PCDHA2: variants seen among roughly 807,000 people sequenced by gnomAD.
PCDHA2 encodes the protein protocadherin alpha-2.
In PCDHA2, 58 loss-of-function variants were observed where a neutral mutation model predicts 66.0. The observed-to-expected ratio is 0.88, with a 90% CI of 0.71 to 1.09. PCDHA2 has a LOEUF of 1.09. Among genes scored for constraint, PCDHA2 ranks in the 50% least tolerant of loss-of-function variants. The pLI is 0.00. For missense variants in PCDHA2, 1,267 were observed against 1,242.3 expected (o/e 1.02, Z -0.30); for synonymous variants, 634 against 554.0 (o/e 1.14, Z -2.03).
In PCDHA2 at chr5:140,975,255, C is replaced by A. The variant is rs530385456; in HGVS notation, c.2389-3694C>A. On this transcript the variant is annotated intron_variant, in intron 1 of 3. Transcript: ENST00000526136. ...ATGGAATCCCTCTTATGCTTCAGAT[C>A]TCTCTGATTTCTGTCTCTGACCTCT... Among the ~76,000 whole-genome samples, 6 of 152,334 alleles carry A rather than the reference C, an allele frequency of 3.9e-5. No individual in the cohort carries two copies. In the South Asian group the frequency reaches 1.2e-3, roughly 32 times the overall value.
chr5:140,803,360 G>A (rs1554122754), intron 1 of PCDHA2: 1 of 1,614,186 alleles, frequency 6.2e-7, no homozygotes, highest in Non-Finnish European at 8.5e-7. Flanking sequence ...ATACTGCTCT[G>A]CGGTGCTCCG....
In PCDHA2 at chr5:140,796,987, G is replaced by A; in HGVS notation, c.2023G>A (p.Ala675Thr). The A allele has an allele frequency of 1.9e-6, 3 of 1,613,764 alleles. No homozygotes were observed. Among genetic ancestry groups the A allele is most frequent in the South Asian group, 1.1e-5 (1 of 91,084 alleles). ...VLVSLVESGQ[A>T]PKASSRAWVG... ...AGTGTCGTTGGTGGAAAGTGGCCAGGCACCCAAGGCCTCGTCGCGGGCGTG... is the reference window on the plus strand; with the variant it reads ...AGTGTCGTTGGTGGAAAGTGGCCAGACACCCAAGGCCTCGTCGCGGGCGTG... The change falls in exon 1 of 4, where the codon GCA becomes ACA. Residue 675 changes from alanine (A) to threonine (T), a missense_variant. By Grantham distance (58) the Ala-to-Thr change is moderately conservative. Coordinates refer to ENST00000526136, the MANE Select transcript of PCDHA2 (RefSeq NM_018905.3).
rs1414932633 is a variant in PCDHA2, at chr5:140,809,074, C to A, written c.2388+11722C>A. Reference sequence around the variant, plus strand: ...CGTTCCGCGTGGGGCTGTACACTGGCGAGATCAGCACAACGCGTGCCCTGG... The same window carrying A: ...CGTTCCGCGTGGGGCTGTACACTGGAGAGATCAGCACAACGCGTGCCCTGG... On this transcript the variant is annotated intron_variant, in intron 1 of 3. Transcript: ENST00000526136. 9 of 1,613,792 alleles carry A rather than the reference C, an allele frequency of 5.6e-6. No homozygotes were observed. The African/African-American group carries it at 1.2e-4, about 22-fold the overall frequency.
At chr5:140,959,871 T>C (rs572861997) in intron 1 of PCDHA2, among the ~76,000 whole-genome samples, 1 of 152,322 alleles carries the variant, frequency 6.6e-6, no homozygotes, top group Admixed American at 6.5e-5. Flanking sequence ...GCAAAATCTG[T>C]CAAGGAATAC....
intron 1 of PCDHA2, chr5:140,867,381 A>C (rs2049925984): frequency 6.6e-6 from 1 of 152,184 alleles, no homozygotes; most frequent in African/African-American, 2.4e-5. Context: ...AATGGAATTA[A>C]CGGTTATAAA....
intron 1 of PCDHA2, chr5:140,878,024 G>A (rs2057444305): frequency 7.9e-6 from 6 of 757,742 alleles, no homozygotes; most frequent in South Asian, 2.8e-5. Context: ...AAGGAAATAT[G>A]TAGGTACAAT....
chr5:140,975,964 T>C (rs1554237162), intron 1 of PCDHA2, among the ~76,000 whole-genome samples: 2 of 152,218 alleles, frequency 1.3e-5, no homozygotes, highest in South Asian at 2.1e-4. Flanking sequence ...TCTTCACCAA[T>C]AGAAAGTAAG....
rs2150249126 is a variant in PCDHA2, at chr5:140,835,958, C to G, written c.2388+38606C>G. 96 of 1,612,940 alleles carry G rather than the reference C, an allele frequency of 6.0e-5. 1 individual carries two copies. The highest frequency in any genetic ancestry group is 7.7e-5 in the Non-Finnish European group (91 of 1,179,702). On this transcript the variant is annotated intron_variant, in intron 1 of 3. Transcript: ENST00000526136. ...TGTACGCGCTGCAGCCGTTGGACCA[C>G]GAGGAGCTGGAGCTGTTGCAGTTCC...
chr5:140,927,339 A>G lies in PCDHA2; in HGVS notation c.2389-51610A>G, dbSNP rs532353795. 3.7e-6 allele frequency: 6 copies of G among 1,614,052 alleles called. No individual in the cohort carries two copies. The South Asian group carries it at 4.4e-5, about 12-fold the overall frequency. The stretch of plus-strand genomic sequence containing the variant: ...CCCGCTTTACTCTCCCGAATGCCCA[A>G]GATGACGACGAGGGAAGCAATGGGA... On this transcript the variant is annotated intron_variant, in intron 1 of 3. Transcript: ENST00000526136.
rs372335650 is a variant in PCDHA2 at position 140,796,474 on chromosome 5, T to C, written c.1510T>C (p.Leu504=). The C allele has an allele frequency of 1.9e-3, 2,997 of 1,612,044 alleles. 69 individuals are homozygous for C. The South Asian group carries it at 0.031, about 17-fold the overall frequency. ...LVERRVGERA[L]SSYVSVHAES... ...GGAGCGGCGGGTGGGCGAGCGCGCG[T>C]TGTCGAGCTACGTTTCGGTGCACGC... Residue 504 remains leucine (L), a synonymous_variant, in exon 1 of 4, where the codon TTG becomes CTG. Transcript: ENST00000526136.
chr5:140,928,719 T>C (rs1554206226), intron 1 of PCDHA2: 31 of 1,614,044 alleles, frequency 1.9e-5, no homozygotes, highest in Non-Finnish European at 2.5e-5. Flanking sequence ...CTAGTCTCTT[T>C]AGAATTTCAG....
At chr5:140,927,220 A>T (rs1554204179) in intron 1 of PCDHA2, 1 of 1,614,090 alleles carries the variant, frequency 6.2e-7, no homozygotes, top group Admixed American at 1.7e-5. Flanking sequence ...GCTGCACAAG[A>T]TTCGGATTCA....
intron 1 of PCDHA2, chr5:140,883,895 C>T: frequency 6.2e-7 from 1 of 1,613,426 alleles, no homozygotes; most frequent in Non-Finnish European, 8.5e-7. Flanking sequence ...CTCTGGCGTG[C>T]CGCCTCTGGG....
Position 140,796,517 on chromosome 5 carries a change from A to T in PCDHA2, c.1553A>T (p.Tyr518Phe). The change falls in exon 1 of 4, where the codon TAC becomes TTC. Residue 518 changes from tyrosine (Y) to phenylalanine (F), a missense_variant. By Grantham distance (22) the Tyr-to-Phe change is conservative. Transcript: ENST00000526136. ...VSVHAESGKV[Y>F]ALQPLDHEEV... ...GTGCACGCGGAGAGCGGCAAGGTGT[A>T]CGCGCTGCAGCCGCTGGACCACGAG... The T allele has an allele frequency of 2.5e-6, 4 of 1,612,380 alleles. No homozygotes were observed. The highest frequency in any genetic ancestry group is 3.4e-6 in the Non-Finnish European group (4 of 1,179,824).
intron 1 of PCDHA2, among the ~76,000 whole-genome samples, chr5:140,873,335 T>C (rs192894155): frequency 6.6e-6 from 1 of 152,358 alleles, no homozygotes; most frequent in African/African-American, 2.4e-5. Flanking sequence ...CATACATTAC[T>C]CATCTCCAGA....
intron 1 of PCDHA2, chr5:140,830,257 G>C: frequency 6.2e-7 from 1 of 1,613,692 alleles, no homozygotes; most frequent in Non-Finnish European, 8.5e-7. Context: ...CAGCGCTGCG[G>C]TGCTCGGCGC....
At chr5:140,955,720 T>C (rs921545021) in intron 1 of PCDHA2, among the ~76,000 whole-genome samples, 7 of 152,354 alleles carry the variant, frequency 4.6e-5, no homozygotes, top group East Asian at 1.9e-4. Flanking sequence ...AGGAATACCA[T>C]TGAATCTATA....
intron 1 of PCDHA2, chr5:140,836,284 C>T (rs2150256843): frequency 6.2e-7 from 1 of 1,613,808 alleles, no homozygotes; most frequent in South Asian, 1.1e-5. Context: ...ATCAGCACGA[C>T]ACGAGCCCTA....
chr5:140,917,328 GGA>G lies in PCDHA2; in HGVS notation c.2389-61619_2389-61618del, dbSNP rs371938358. On this transcript the variant is annotated intron_variant, in intron 1 of 3. Transcript: ENST00000526136. ...TACAATTTGGTGTTCATGTGGCGGGGGAGGGGGGGGATGGTGTAGGCTTCTGT... is the reference window on the plus strand; with the variant it reads ...TACAATTTGGTGTTCATGTGGCGGGGGGGGGGGGATGGTGTAGGCTTCTGT... 4.7e-4 allele frequency among the ~76,000 whole-genome samples: 70 copies of G among 148,990 alleles called. 3 individuals are homozygous for G. Among genetic ancestry groups the G allele is most frequent in the African/African-American group, 1.3e-3 (53 of 40,184 alleles).
Sources: gnomAD v4.1 joint callset for allele counts (sites outside exome capture counted in the v4.1 genomes callset) on GRCh38, gnomAD v4.1.1 for gene constraint, MANE v1.5 for transcripts, NCBI Gene and HGNC (gene_info 2026-07-23, HGNC 2026-07-21) for gene names.